Variants in MEMO1 observed in about 807,000 individuals in gnomAD.
MEMO1 encodes the protein mediator of cell motility 1.
In MEMO1, 6 loss-of-function variants were observed where a neutral mutation model predicts 45.2. That is an observed-to-expected ratio of 0.13 (90% CI 0.07 to 0.26). The LOEUF (loss-of-function observed/expected upper bound fraction) is 0.26. Among genes scored for constraint, MEMO1 ranks in the 10% least tolerant of loss-of-function variants. MEMO1 has a pLI of 1.00. For synonymous variants in MEMO1, 78 were observed against 124.3 expected, an observed-to-expected ratio of 0.63 and a Z score of 2.48; for missense variants, 184 against 370.5, an observed-to-expected ratio of 0.50 and a Z score of 4.13.
At chr2:31,919,656 C>CA (rs533369300) in intron 5 of MEMO1, among the ~76,000 whole-genome samples, 45 of 151,284 alleles carry the variant, frequency 3.0e-4, no homozygotes, top group East Asian at 2.3e-3. Context: ...CTACCTCTAC[C>CA]AAAAAAAATA....
At chr2:31,878,429 G>C (rs941992055) in intron 8 of MEMO1, among the ~76,000 whole-genome samples, 1 of 152,092 alleles carries the variant, frequency 6.6e-6, no homozygotes, top group Non-Finnish European at 1.5e-5. Flanking sequence ...AGCCACCTGA[G>C]ACTGAAGAAT....
intron 6 of MEMO1, among the ~76,000 whole-genome samples, chr2:31,896,427 CT>C (rs1677824490): frequency 1.3e-5 from 2 of 152,140 alleles, no homozygotes; most frequent in Admixed American, 6.5e-5. Flanking sequence ...ATAGCAACTG[CT>C]CAACAGTTCA....
chr2:31,992,582 G>C (rs559799577), intron 2 of MEMO1, among the ~76,000 whole-genome samples: 3 of 152,262 alleles, frequency 2.0e-5, no homozygotes, highest in East Asian at 1.9e-4. Flanking sequence ...TCAGGAGTTC[G>C]AGACCAGCCT....
intron 1 of MEMO1, chr2:32,010,549 C>CG (rs1674768791): frequency 4.4e-6 from 1 of 224,986 alleles, no homozygotes; most frequent in Admixed American, 6.1e-5. Context: ...CCCCGGCCCC[C>CG]GGCGTCCCCG....
chr2:31,998,833 T>C (rs768511312), intron 2 of MEMO1, among the ~76,000 whole-genome samples: 1 of 151,720 alleles, frequency 6.6e-6, no homozygotes, highest in Non-Finnish European at 1.5e-5. Flanking sequence ...ATCTATATGA[T>C]GCTAATCTCC....
chr2:31,907,349 T>C (rs1241219856), intron 6 of MEMO1, among the ~76,000 whole-genome samples: 3 of 152,322 alleles, frequency 2.0e-5, no homozygotes, highest in Admixed American at 6.5e-5. Context: ...AAATAGGGTG[T>C]TTCCTTATTT....
chr2:31,992,447 T>A (rs1558561425), intron 2 of MEMO1, among the ~76,000 whole-genome samples: 1 of 152,180 alleles, frequency 6.6e-6, no homozygotes, highest in Non-Finnish European at 1.5e-5. Context: ...TCAAATCTCA[T>A]ATCACAATAC....
At chr2:31,908,615 G>A (rs1680107964) in intron 6 of MEMO1, among the ~76,000 whole-genome samples, 2 of 152,136 alleles carry the variant, frequency 1.3e-5, no homozygotes, top group South Asian at 4.1e-4. Flanking sequence ...ACTAATTGCT[G>A]GAGACTAAAT....
chr2:32,003,032 TTA>T (rs1343624219), intron 2 of MEMO1, among the ~76,000 whole-genome samples: 1 of 152,222 alleles, frequency 6.6e-6, no homozygotes, highest in Non-Finnish European at 1.5e-5. Context: ...CTAAATTTTA[TTA>T]TATAGTCTTT....
chr2:31,913,082 T>C (rs1680842911), intron 6 of MEMO1, among the ~76,000 whole-genome samples: 1 of 151,730 alleles, frequency 6.6e-6, no homozygotes, highest in Admixed American at 6.6e-5. Flanking sequence ...ATGGAGACCA[T>C]TCTGGCCAAC....
At chr2:32,009,863 G>A (rs1010836193) in intron 2 of MEMO1, among the ~76,000 whole-genome samples, 4 of 152,082 alleles carry the variant, frequency 2.6e-5, no homozygotes, top group African/African-American at 7.2e-5. Flanking sequence ...AGTCGGCTGG[G>A]GTCCGGGAGC....
intron 2 of MEMO1, among the ~76,000 whole-genome samples, chr2:31,944,297 T>C (rs986316931): frequency 6.6e-6 from 1 of 152,336 alleles, no homozygotes; most frequent in South Asian, 2.1e-4. Context: ...AATTAACTCA[T>C]ACCTTCTCTT....
At chr2:31,961,616 A>T (rs989860704) in intron 2 of MEMO1, among the ~76,000 whole-genome samples, 4 of 148,032 alleles carry the variant, frequency 2.7e-5, no homozygotes, top group African/African-American at 1.0e-4. Flanking sequence ...TTTAAAAAAA[A>T]ACAAAAAAAA....
At chr2:31,998,423 G>C (rs1672864115) in intron 2 of MEMO1, among the ~76,000 whole-genome samples, 1 of 152,102 alleles carries the variant, frequency 6.6e-6, no homozygotes, top group Non-Finnish European at 1.5e-5. Flanking sequence ...CTTCATGTTG[G>C]AATGTTCTAA....
At chr2:31,943,455 C>A in intron 2 of MEMO1, 72 bp from the exon 3 acceptor site, 1 of 1,105,658 alleles carries the variant, frequency 9.0e-7, no homozygotes, top group Non-Finnish European at 1.4e-6. Flanking sequence ...TGGCATAAAG[C>A]CCTCACTGAA....
intron 2 of MEMO1, among the ~76,000 whole-genome samples, chr2:31,950,658 T>C (rs1174987090): frequency 2.0e-5 from 3 of 149,918 alleles, no homozygotes; most frequent in South Asian, 2.1e-4. Flanking sequence ...GAAGCGGAGG[T>C]TGCAGTGAGC....
chr2:31,990,239 T>C (rs894466458), intron 2 of MEMO1, among the ~76,000 whole-genome samples: 1 of 152,216 alleles, frequency 6.6e-6, no homozygotes, highest in Non-Finnish European at 1.5e-5. Context: ...GATATGAGAA[T>C]CCAGCTATTT....
intron 3 of MEMO1, among the ~76,000 whole-genome samples, chr2:31,937,986 T>C (rs1320607785): frequency 6.6e-6 from 1 of 152,204 alleles, no homozygotes; most frequent in Non-Finnish European, 1.5e-5. Flanking sequence ...GACTTTTAGC[T>C]CATGAGATCA....
intron 6 of MEMO1, among the ~76,000 whole-genome samples, chr2:31,898,997 G>A (rs532943636): frequency 1.1e-4 from 16 of 151,906 alleles, no homozygotes; most frequent in Non-Finnish European, 1.9e-4. Context: ...ATATTTGTTG[G>A]TTTAAAGTCT....
Sources: gnomAD v4.1 joint callset for allele counts (sites outside exome capture counted in the v4.1 genomes callset) on GRCh38, gnomAD v4.1.1 for gene constraint, MANE v1.5 for transcripts, NCBI Gene and HGNC (gene_info 2026-07-23, HGNC 2026-07-21) for gene names.